PPP2R3A: variants seen among roughly 807,000 people sequenced by gnomAD.
PPP2R3A encodes serine/threonine-protein phosphatase 2A regulatory subunit B'' subunit alpha.
A neutral mutation model predicts 106.9 loss-of-function variants in PPP2R3A; 80 were observed. That is an observed-to-expected ratio of 0.75 (90% CI 0.62 to 0.90). The LOEUF is 0.90. Among genes scored for constraint, PPP2R3A ranks in the 40% least tolerant of loss-of-function variants. The probability of loss-of-function intolerance (pLI) is 0.00; values close to 1 mark genes in which losing one functional copy is unlikely to be tolerated. For synonymous variants in PPP2R3A, 483 were observed against 468.3 expected, an observed-to-expected ratio of 1.03 and a Z score of -0.41; for missense variants, 1,386 against 1,350.4, an observed-to-expected ratio of 1.03 and a Z score of -0.41.
At chr3:136,063,837 A>G (rs1290459618) in intron 5 of PPP2R3A, among the ~76,000 whole-genome samples, 2 of 150,272 alleles carry the variant, frequency 1.3e-5, no homozygotes, top group Admixed American at 6.6e-5. Flanking sequence ...AACTAGTTCA[A>G]CCATTGTGGA....
intron 4 of PPP2R3A, among the ~76,000 whole-genome samples, chr3:136,043,596 G>A (rs1028935812): frequency 6.6e-6 from 1 of 152,148 alleles, no homozygotes; most frequent in Non-Finnish European, 1.5e-5. Flanking sequence ...TCTATACTCT[G>A]ACATATATTC....
chr3:136,003,521 G>A, intron 2 of PPP2R3A, 28 bp downstream of exon 2: 1 of 1,521,232 alleles, frequency 6.6e-7, no homozygotes, highest in Non-Finnish European at 8.8e-7. Context: ...TGAGTCCTAG[G>A]AACTCTTTAA....
At chr3:136,041,954 A>T (rs374232362) in intron 4 of PPP2R3A, among the ~76,000 whole-genome samples, 2 of 152,082 alleles carry the variant, frequency 1.3e-5, no homozygotes, top group African/African-American at 4.8e-5. Flanking sequence ...GCCTCTTTTA[A>T]CTGATCAGCA....
At chr3:136,076,315 C>T (rs1187683404) in intron 6 of PPP2R3A, among the ~76,000 whole-genome samples, 2 of 152,220 alleles carry the variant, frequency 1.3e-5, no homozygotes, top group Non-Finnish European at 2.9e-5. Flanking sequence ...ATCACATCTA[C>T]ACTCTAGTCT....
chr3:136,060,546 T>G (rs1225883355), intron 5 of PPP2R3A, among the ~76,000 whole-genome samples: 1 of 152,092 alleles, frequency 6.6e-6, no homozygotes, highest in African/African-American at 2.4e-5. Flanking sequence ...CACCTCCCCC[T>G]TGTTCTCTGT....
Position 136,078,227 on chromosome 3 carries a change from A to G in PPP2R3A, c.2545-140A>G, listed in dbSNP as rs568704212. 12 of 652,682 alleles carry G rather than the reference A, an allele frequency of 1.8e-5. No homozygotes were observed. In the South Asian group the frequency reaches 2.2e-4, roughly 12 times the overall value. The allele number at this position is 652,682 out of a possible 1,614,324, so 40.4% of individuals were successfully genotyped here. A position where few individuals can be genotyped will look rare whatever the true frequency, so the allele number is the denominator to read the frequency against. On this transcript the variant is annotated intron_variant, in intron 6 of 13. Coordinates refer to ENST00000264977, the MANE Select transcript of PPP2R3A (RefSeq NM_002718.5). ...ATGTAGATTTAAAAATACAGTGCTGATTTTTACTAGGAATTACACTTAACA... is the reference window on the plus strand; with the variant it reads ...ATGTAGATTTAAAAATACAGTGCTGGTTTTTACTAGGAATTACACTTAACA...
At chr3:136,010,014 C>T (rs185077783) in intron 2 of PPP2R3A, among the ~76,000 whole-genome samples, 350 of 152,130 alleles carry the variant, frequency 2.3e-3, no homozygotes, top group Middle Eastern at 6.8e-3. Flanking sequence ...ACTGTGTTTC[C>T]CTAGTCCATT....
intron 2 of PPP2R3A, among the ~76,000 whole-genome samples, chr3:136,010,564 C>A (rs1355631967): frequency 1.3e-5 from 2 of 150,910 alleles, no homozygotes; most frequent in Non-Finnish European, 3.0e-5. Context: ...GTAGCTGGGA[C>A]TACAGGCGCC....
chr3:136,118,443 G>A (rs563903016), intron 13 of PPP2R3A, among the ~76,000 whole-genome samples: 58 of 152,338 alleles, frequency 3.8e-4, no homozygotes, highest in Middle Eastern at 3.4e-3. Context: ...AATTGTCCCT[G>A]TTTGCAGATG....
intron 6 of PPP2R3A, among the ~76,000 whole-genome samples, chr3:136,076,782 A>C (rs2107920039): frequency 6.6e-6 from 1 of 152,236 alleles, no homozygotes; most frequent in South Asian, 2.1e-4. Flanking sequence ...CCCCGTCTCA[A>C]CTAAAAAACA....
At chr3:136,081,064 GC>G (rs139468294) in intron 7 of PPP2R3A, among the ~76,000 whole-genome samples, 1,910 of 152,032 alleles carry the variant, frequency 0.013, 46 homozygotes, top group African/African-American at 0.044. Flanking sequence ...CGCGATCTCG[GC>G]TCACTGCAAC....
At chr3:136,135,857 C>T (rs1306504161) in intron 13 of PPP2R3A, among the ~76,000 whole-genome samples, 2 of 151,570 alleles carry the variant, frequency 1.3e-5, no homozygotes, top group African/African-American at 4.9e-5. Flanking sequence ...ACCTGCCTGG[C>T]CAACATGGCA....
At chr3:136,114,728 T>A (rs1937674304) in intron 13 of PPP2R3A, among the ~76,000 whole-genome samples, 1 of 152,310 alleles carries the variant, frequency 6.6e-6, no homozygotes. Flanking sequence ...ACTGCCTCTC[T>A]AGATTGCTCC....
chr3:136,006,060 G>T (rs1933834051), intron 2 of PPP2R3A, among the ~76,000 whole-genome samples: 1 of 152,142 alleles, frequency 6.6e-6, no homozygotes, highest in Non-Finnish European at 1.5e-5. Context: ...TCATGAGTGG[G>T]TTCCCCGTGA....
At chr3:135,992,615 G>C (rs1300553632) in intron 1 of PPP2R3A, among the ~76,000 whole-genome samples, 1 of 152,126 alleles carries the variant, frequency 6.6e-6, no homozygotes, top group African/African-American at 2.4e-5. Context: ...CATGAAATTA[G>C]GGAGAGACAC....
chr3:136,116,356 A>G (rs984237056), intron 13 of PPP2R3A, among the ~76,000 whole-genome samples: 4 of 152,238 alleles, frequency 2.6e-5, no homozygotes, highest in Non-Finnish European at 5.9e-5. Flanking sequence ...ATAACTAGCT[A>G]GCATCATAAT....
At chr3:136,079,291 G>A (rs1936703068) in intron 7 of PPP2R3A, 2 of 362,698 alleles carry the variant, frequency 5.5e-6, no homozygotes, top group Non-Finnish European at 1.1e-5. Flanking sequence ...TAGGTAATAT[G>A]GGATGGGTTA....
At chr3:135,995,793 A>G (rs1933372294) in intron 1 of PPP2R3A, among the ~76,000 whole-genome samples, 2 of 152,190 alleles carry the variant, frequency 1.3e-5, no homozygotes, top group Non-Finnish European at 2.9e-5. Flanking sequence ...TTTTAACTAT[A>G]TATCACTCTT....
chr3:136,140,442 TAAAAAAA>T (rs199699500), intron 13 of PPP2R3A, among the ~76,000 whole-genome samples: 3 of 87,236 alleles, frequency 3.4e-5, no homozygotes, highest in Non-Finnish European at 6.8e-5. Flanking sequence ...TGAGACTCTT[TAAAAAAA>T]AAAAAAAAAA....
Sources: allele counts gnomAD v4.1 joint callset (sites outside exome capture counted in the v4.1 genomes callset), GRCh38; gene constraint gnomAD v4.1.1; transcripts MANE v1.5; gene names NCBI Gene and HGNC (gene_info 2026-07-23, HGNC 2026-07-21).